The following RARB variants were observed in gnomAD, a reference collection of about 807,000 sequenced individuals.
RARB encodes the protein retinoic acid receptor beta, also known as HBV-activated protein.
A neutral mutation model predicts 51.9 loss-of-function variants in RARB; 17 were observed. The observed-to-expected ratio is 0.33, with a 90% confidence interval of 0.22 to 0.49. The LOEUF is 0.49. Among genes scored for constraint, RARB ranks in the 20% least tolerant of loss-of-function variants. The probability of loss-of-function intolerance (pLI) is 0.99; values close to 1 mark genes in which losing one functional copy is unlikely to be tolerated. For synonymous variants in RARB, 215 were observed against 195.4 expected, an observed-to-expected ratio of 1.10 and a Z score of -0.84; for missense variants, 369 against 550.8, an observed-to-expected ratio of 0.67 and a Z score of 3.30.
intron 2 of RARB, among the ~76,000 whole-genome samples, chr3:24,992,004 C>G (rs941773328): frequency 6.6e-6 from 1 of 152,088 alleles, no homozygotes; most frequent in African/African-American, 2.4e-5. Flanking sequence ...CACCCCTTGC[C>G]TGGGTAGTCT....
intron 2 of RARB, among the ~76,000 whole-genome samples, chr3:25,033,836 A>T (rs539461073): frequency 6.6e-6 from 1 of 152,346 alleles, no homozygotes; most frequent in South Asian, 2.1e-4. Context: ...TTGTTAGCTT[A>T]AATCTCCTAG....
intron 2 of RARB, among the ~76,000 whole-genome samples, chr3:25,001,452 C>T (rs1265970331): frequency 6.6e-6 from 1 of 152,110 alleles, no homozygotes; most frequent in East Asian, 1.9e-4. Flanking sequence ...TTGCCCTTAT[C>T]CTTCTCAATT....
intron 5 of RARB, among the ~76,000 whole-genome samples, chr3:25,197,886 C>G (rs949530089): frequency 5.3e-5 from 8 of 151,876 alleles, no homozygotes; most frequent in South Asian, 2.1e-4. Context: ...CAGAGCAATC[C>G]CTAGCAAAAT....
At chr3:25,387,618 A>G (rs373766774) in intron 5 of RARB, among the ~76,000 whole-genome samples, 7 of 152,130 alleles carry the variant, frequency 4.6e-5, no homozygotes, top group African/African-American at 1.7e-4. Context: ...TGGACACAGG[A>G]GGGCCTTGGC....
At chr3:25,427,219 G>A (rs982268031), upstream of RARB, among the ~76,000 whole-genome samples, 1 of 152,132 alleles carries the variant, frequency 6.6e-6, no homozygotes, top group Non-Finnish European at 1.5e-5. Flanking sequence ...GTGACCTTGG[G>A]TAGGTCTCAT....
At chr3:25,542,168 G>A (rs918878272) in intron 3 of RARB, among the ~76,000 whole-genome samples, 4 of 152,224 alleles carry the variant, frequency 2.6e-5, no homozygotes, top group South Asian at 4.1e-4. Flanking sequence ...GGATTCTGAG[G>A]CTATATTTGT....
At chr3:25,203,759 C>T (rs1174578109) in intron 5 of RARB, among the ~76,000 whole-genome samples, 1 of 152,068 alleles carries the variant, frequency 6.6e-6, no homozygotes, top group Non-Finnish European at 1.5e-5. Context: ...GAATATTGGC[C>T]CCCACTCTCT....
chr3:24,977,278 T>A (rs748126105), intron 2 of RARB, among the ~76,000 whole-genome samples: 4 of 152,210 alleles, frequency 2.6e-5, no homozygotes, highest in African/African-American at 9.6e-5. Flanking sequence ...TTTAAAGTAG[T>A]TTTTTCCAAT....
chr3:25,509,606 AG>A (rs1697787730), intron 3 of RARB, among the ~76,000 whole-genome samples: 1 of 152,226 alleles, frequency 6.6e-6, no homozygotes, highest in Non-Finnish European at 1.5e-5. Flanking sequence ...ACCGGGAGCC[AG>A]GTGGCTCATT....
At chr3:25,558,267 C>T (rs1292232403) in intron 3 of RARB, among the ~76,000 whole-genome samples, 1 of 152,180 alleles carries the variant, frequency 6.6e-6, no homozygotes, top group Non-Finnish European at 1.5e-5. Context: ...TGGCTTCCAT[C>T]CTTATTGCTC....
chr3:25,358,249 A>G (rs1559370430), intron 5 of RARB, among the ~76,000 whole-genome samples: 1 of 152,112 alleles, frequency 6.6e-6, no homozygotes, highest in Non-Finnish European at 1.5e-5. Context: ...GCAATTATGA[A>G]TGGGACTTTG....
intron 3 of RARB, among the ~76,000 whole-genome samples, chr3:25,565,542 G>A (rs554777966): frequency 4.1e-4 from 63 of 152,098 alleles, no homozygotes; most frequent in African/African-American, 1.4e-3. Context: ...CCTGTTTTGC[G>A]ATGGCACATA....
At chr3:25,191,821 T>C (rs965993133) in intron 5 of RARB, among the ~76,000 whole-genome samples, 2 of 152,120 alleles carry the variant, frequency 1.3e-5, no homozygotes, top group Non-Finnish European at 2.9e-5. Flanking sequence ...CAATGACAAA[T>C]TAAATCTTTG....
chr3:24,872,234 G>A (rs563284717), intron 2 of RARB, among the ~76,000 whole-genome samples: 12 of 152,124 alleles, frequency 7.9e-5, no homozygotes, highest in Admixed American at 3.9e-4. Flanking sequence ...CTTGCACACG[G>A]TGGCAGCCTC....
At chr3:24,881,048 TC>T (rs542148472) in intron 2 of RARB, among the ~76,000 whole-genome samples, 9 of 152,128 alleles carry the variant, frequency 5.9e-5, no homozygotes, top group Non-Finnish European at 1.3e-4. Context: ...GGGGTTGGTT[TC>T]CCCCATGCTG....
intron 2 of RARB, among the ~76,000 whole-genome samples, chr3:24,913,093 G>A (rs1230248422): frequency 6.9e-6 from 1 of 145,698 alleles, no homozygotes; most frequent in African/African-American, 2.5e-5. Flanking sequence ...CCATTCTCCT[G>A]CCTCAGCCTC....
chr3:25,030,197 A>G (rs567171110), intron 2 of RARB, among the ~76,000 whole-genome samples: 1 of 152,372 alleles, frequency 6.6e-6, no homozygotes, highest in South Asian at 2.1e-4. Flanking sequence ...TGAGAAAGAC[A>G]GGGGAGAGGA....
chr3:25,264,834 A>G (rs1392231919), intron 5 of RARB, among the ~76,000 whole-genome samples: 1 of 152,198 alleles, frequency 6.6e-6, no homozygotes, highest in Non-Finnish European at 1.5e-5. Flanking sequence ...TATTCAGTGA[A>G]GAATTTGTAC....
chr3:25,362,995 G>A (rs998533662), intron 5 of RARB, among the ~76,000 whole-genome samples: 5 of 152,044 alleles, frequency 3.3e-5, no homozygotes, highest in African/African-American at 7.2e-5. Flanking sequence ...ACTTTCAATC[G>A]ATTTACAGGT....
Sources: allele counts gnomAD v4.1 joint callset (sites outside exome capture counted in the v4.1 genomes callset), GRCh38; gene constraint gnomAD v4.1.1; transcripts MANE v1.5; gene names NCBI Gene and HGNC (gene_info 2026-07-23, HGNC 2026-07-21).